Variants in SEPSECS observed in about 807,000 individuals in gnomAD.
The protein encoded by SEPSECS is O-phosphoseryl-tRNA(Sec) selenium transferase.
A neutral mutation model predicts 52.1 loss-of-function variants in SEPSECS; 42 were observed. The observed-to-expected ratio is 0.81, with a 90% CI of 0.63 to 1.04. SEPSECS has a LOEUF of 1.04. SEPSECS is among the 50% of genes least tolerant of loss of function. The probability of loss-of-function intolerance (pLI) is 0.00; values close to 1 mark genes in which losing one functional copy is unlikely to be tolerated. For missense variants in SEPSECS, 590 were observed against 610.6 expected (o/e 0.97, Z 0.36); for synonymous variants, 216 against 211.4 (o/e 1.02, Z -0.19).
intron 6 of SEPSECS, among the ~76,000 whole-genome samples, chr4:25,146,067 C>T (rs1024904319): frequency 1.3e-5 from 2 of 152,306 alleles, no homozygotes; most frequent in African/African-American, 4.8e-5. Context: ...CCTCATCCAA[C>T]TTTCTGTCTA....
In SEPSECS at chr4:25,152,047, A is replaced by G; in HGVS notation, c.717T>C (p.Ala239=). Residue 239 remains alanine (A), a synonymous_variant, in exon 6 of 11, where the codon GCT becomes GCC. Transcript: ENST00000382103. The part of the protein sequence containing the change: ...PRVPDRLEEL[A]VICANYDIPH... ...GAATGTCATAATTAGCACAAATCACAGCCAGTTCTTCTAATCTATAAACAT... is the reference window on the plus strand; with the variant it reads ...GAATGTCATAATTAGCACAAATCACGGCCAGTTCTTCTAATCTATAAACAT... The G allele has an allele frequency of 6.4e-7, 1 of 1,565,996 alleles. No homozygotes were observed. Among genetic ancestry groups the G allele is most frequent in the Non-Finnish European group, 8.8e-7 (1 of 1,136,404 alleles).
chr4:25,138,060 C>G (rs890639725), intron 8 of SEPSECS, among the ~76,000 whole-genome samples: 2 of 152,002 alleles, frequency 1.3e-5, no homozygotes, highest in African/African-American at 2.4e-5. Flanking sequence ...TGGGGCCTGT[C>G]AGAGGGGTGC....
intron 2 of SEPSECS, among the ~76,000 whole-genome samples, chr4:25,158,001 G>A (rs1455807822): frequency 6.6e-6 from 1 of 152,046 alleles, no homozygotes; most frequent in Non-Finnish European, 1.5e-5. Flanking sequence ...ATTGTTTAAA[G>A]ATACCTCTCA....
chr4:25,139,131 T>C (rs1167173458), intron 8 of SEPSECS, among the ~76,000 whole-genome samples: 1 of 152,204 alleles, frequency 6.6e-6, no homozygotes, highest in African/African-American at 2.4e-5. Context: ...TCTCACACAC[T>C]CTTGCGTTCC....
intron 8 of SEPSECS, among the ~76,000 whole-genome samples, chr4:25,127,571 T>C (rs185956018): frequency 6.6e-6 from 1 of 152,300 alleles, no homozygotes; most frequent in East Asian, 1.9e-4. Flanking sequence ...AACCAGCACA[T>C]TTTCTCCCTT....
In SEPSECS at chr4:25,123,156, T is replaced by A. The variant is rs1423471504; in HGVS notation, c.*775A>T. 1 of 152,248 alleles carries A rather than the reference T, an allele frequency of 6.6e-6. No homozygotes were observed. The highest frequency in any genetic ancestry group is 1.5e-5 in the Non-Finnish European group (1 of 68,060). The allele number at this position is 152,248 out of a possible 1,614,324, so 9.4% of individuals were successfully genotyped here. On this transcript the variant is annotated 3_prime_UTR_variant, in exon 11 of 11. Transcript: ENST00000382103. ...TAGTTTGATGACATTTATACAGCTATCTTCTTTGAAGTACTACTGAAAGTT... is the reference window on the plus strand; with the variant it reads ...TAGTTTGATGACATTTATACAGCTAACTTCTTTGAAGTACTACTGAAAGTT...
chr4:25,144,696 C>A (rs1403377175), intron 8 of SEPSECS, 78 bp downstream of exon 8: 17 of 1,047,900 alleles, frequency 1.6e-5, no homozygotes, highest in Non-Finnish European at 2.4e-5. Context: ...TGCAAGAAAC[C>A]AACAGGCAGA....
chr4:25,125,574 A>T, intron 10 of SEPSECS, 120 bp downstream of exon 10: 1 of 728,960 alleles, frequency 1.4e-6, no homozygotes, highest in Non-Finnish European at 2.5e-6. Context: ...TCTTTACTCC[A>T]TGATGAATTC....
At chr4:25,126,989 A>G (rs998060673) in intron 9 of SEPSECS, among the ~76,000 whole-genome samples, 1 of 152,194 alleles carries the variant, frequency 6.6e-6, no homozygotes, top group African/African-American at 2.4e-5. Flanking sequence ...AAATAGAGTT[A>G]TGGTTAGAAA....
rs1461670232 is a variant in SEPSECS at position 25,156,880 on chromosome 4, C to T, written c.364G>A (p.Val122Ile). The T allele has an allele frequency of 1.9e-6, 3 of 1,604,732 alleles. No individual in the cohort carries two copies. The highest frequency in any genetic ancestry group is 2.7e-5 in the African/African-American group (2 of 74,576). Residue 122 changes from valine to isoleucine, a missense_variant, in exon 3 of 11, where the codon GTC becomes ATC. Val to Ile is a conservative substitution (Grantham distance 29). Transcript: ENST00000382103. ...CCAGCCAGCTTTATAATGTCCAGGA[C>T]CAAAGAATTGGTAATTTTGTTCAAA... ...SLLNKITNSL[V>I]LDIIKLAGVH... is the part of the protein sequence containing the mutation.
At chr4:25,150,252 A>T (rs1035091) in intron 6 of SEPSECS, among the ~76,000 whole-genome samples, 91,816 of 152,196 alleles carry the variant, frequency 0.6, 28,402 homozygotes, top group Non-Finnish European at 0.67. Flanking sequence ...ACATAACACA[A>T]ATCACATGTA....
intron 3 of SEPSECS, among the ~76,000 whole-genome samples, chr4:25,156,503 G>C (rs572934954): frequency 1.8e-4 from 27 of 151,532 alleles, no homozygotes; most frequent in African/African-American, 2.9e-4. Context: ...AGGAGATCGA[G>C]ACCATCCTGG....
chr4:25,125,899 ATTTCAC>A (rs2109482771), intron 9 of SEPSECS, 115 bp from the exon 10 acceptor site: 1 of 730,662 alleles, frequency 1.4e-6, no homozygotes, highest in South Asian at 1.5e-5. Context: ...AAGTGGCACA[ATTTCAC>A]TTTAATGTAC....
In SEPSECS at chr4:25,124,103, T is replaced by C. The variant is rs780057952; in HGVS notation, c.1334A>G (p.Gln445Arg). 6.2e-7 allele frequency: 1 copy of C among 1,613,840 alleles called. No homozygotes were observed. The highest frequency in any genetic ancestry group is 2.2e-5 in the East Asian group (1 of 44,872). Residue 445 changes from glutamine (Q) to arginine (R), a missense_variant, in exon 11 of 11, where the codon CAG (glutamine) becomes CGG (arginine). By Grantham distance (43) the Gln-to-Arg change is conservative. Coordinates refer to ENST00000382103, the MANE Select transcript of SEPSECS (RefSeq NM_016955.4). The part of the protein sequence containing the change: ...NAASAIGMKM[Q>R]DVDLFIKRLD... ...TCTCTTTATGAACAGGTCCACATCC[T>C]GCATCTTCATTCCGATGGCTGATGC...
chr4:25,131,484 A>AATATG (rs1379048442), intron 8 of SEPSECS, among the ~76,000 whole-genome samples: 2 of 152,204 alleles, frequency 1.3e-5, no homozygotes, highest in East Asian at 3.8e-4. Flanking sequence ...AACAGTACTA[A>AATATG]ATATGACATG....
chr4:25,151,707 G>A (rs1712312941), intron 6 of SEPSECS, among the ~76,000 whole-genome samples: 1 of 152,092 alleles, frequency 6.6e-6, no homozygotes, highest in Non-Finnish European at 1.5e-5. Flanking sequence ...GTCTCAGAAA[G>A]TTAAAAGCTA....
chr4:25,152,216 T>C (rs1460934282), intron 5 of SEPSECS, among the ~76,000 whole-genome samples, 154 bp from the exon 6 acceptor site: 1 of 152,118 alleles, frequency 6.6e-6, no homozygotes, highest in East Asian at 1.9e-4. Flanking sequence ...TATTTTGACA[T>C]GTAATTCAGC....
At chr4:25,136,507 G>C (rs1560326009) in intron 8 of SEPSECS, among the ~76,000 whole-genome samples, 1 of 152,032 alleles carries the variant, frequency 6.6e-6, no homozygotes, top group South Asian at 2.1e-4. Context: ...CAGCTAACTA[G>C]GGAAGTGAAG....
intron 5 of SEPSECS, among the ~76,000 whole-genome samples, chr4:25,152,966 T>C (rs920548599): frequency 1.3e-4 from 20 of 151,974 alleles, no homozygotes; most frequent in African/African-American, 3.4e-4. Context: ...GAATTACCGA[T>C]TTACGCATAA....
Sources: allele counts gnomAD v4.1 joint callset (sites outside exome capture counted in the v4.1 genomes callset), GRCh38; gene constraint gnomAD v4.1.1; transcripts MANE v1.5; gene names NCBI Gene and HGNC (gene_info 2026-07-23, HGNC 2026-07-21).